CNTN3: variants seen among roughly 807,000 people sequenced by gnomAD.
CNTN3 encodes contactin-3.
Under a neutral mutation model 119.1 loss-of-function variants are expected in CNTN3, and 60 were observed. That is an observed-to-expected ratio of 0.50 (90% CI 0.41 to 0.62). The LOEUF (loss-of-function observed/expected upper bound fraction) is 0.62, where lower values mean the gene tolerates loss of function less well. CNTN3 is among the 20% of genes least tolerant of loss of function. The pLI is 0.00. For missense variants in CNTN3, 1,101 were observed against 1,242.4 expected (o/e 0.89, Z 1.71); for synonymous variants, 450 against 438.7 (o/e 1.03, Z -0.32).
At chr3:74,398,532 C>T (rs1304971253) in intron 5 of CNTN3, among the ~76,000 whole-genome samples, 1 of 152,154 alleles carries the variant, frequency 6.6e-6, no homozygotes, top group African/African-American at 2.4e-5. Flanking sequence ...ATGTGACTTG[C>T]TTTGTTGCCA....
chr3:74,489,300 C>A (rs1702917988), intron 3 of CNTN3, among the ~76,000 whole-genome samples: 1 of 152,028 alleles, frequency 6.6e-6, no homozygotes, highest in South Asian at 2.1e-4. Flanking sequence ...CAACAAGTAA[C>A]CATGGACTGC....
intron 4 of CNTN3, among the ~76,000 whole-genome samples, chr3:74,457,641 C>G (rs557281573): frequency 1.3e-5 from 2 of 151,884 alleles, no homozygotes; most frequent in Non-Finnish European, 2.9e-5. Flanking sequence ...TGATTCATCA[C>G]GTGTGCCACA....
intron 1 of CNTN3, among the ~76,000 whole-genome samples, chr3:74,541,654 C>T (rs1703844650): frequency 1.3e-5 from 2 of 152,170 alleles, no homozygotes; most frequent in African/African-American, 2.4e-5. Context: ...TAGGGAGGAA[C>T]ATAAATTAGG....
intron 20 of CNTN3, among the ~76,000 whole-genome samples, chr3:74,276,331 A>C (rs1701879205): frequency 6.6e-6 from 1 of 152,130 alleles, no homozygotes; most frequent in South Asian, 2.1e-4. Context: ...CAACCACAGA[A>C]TACACATTCT....
chr3:74,295,093 T>C (rs764289373), intron 19 of CNTN3, 28 bp downstream of exon 19: 11 of 1,418,766 alleles, frequency 7.8e-6, no homozygotes, highest in South Asian at 3.5e-5. Flanking sequence ...GTAACACACA[T>C]ACACAATTTA....
At chr3:74,452,120 CATG>C (rs200068774) in intron 4 of CNTN3, among the ~76,000 whole-genome samples, 13,659 of 141,536 alleles carry the variant, frequency 0.097, 980 homozygotes, top group East Asian at 0.41. Context: ...TGGCCATTTT[CATG>C]ATATTGATTC....
chr3:74,604,084 A>G (rs1704955668), intron 1 of CNTN3, among the ~76,000 whole-genome samples: 1 of 152,228 alleles, frequency 6.6e-6, no homozygotes, highest in Non-Finnish European at 1.5e-5. Flanking sequence ...TCTCTTCAAT[A>G]CATGGTGTTG....
chr3:74,493,922 C>G (rs1703012447), intron 3 of CNTN3, among the ~76,000 whole-genome samples: 1 of 152,054 alleles, frequency 6.6e-6, no homozygotes, highest in Non-Finnish European at 1.5e-5. Context: ...CCATTTCTCA[C>G]TCATCGATAA....
chr3:74,297,242 G>C (rs1441404161), intron 18 of CNTN3, among the ~76,000 whole-genome samples: 1 of 152,148 alleles, frequency 6.6e-6, no homozygotes, highest in Non-Finnish European at 1.5e-5. Context: ...CCAAGGTAAG[G>C]CTGTGATTTT....
intron 1 of CNTN3, among the ~76,000 whole-genome samples, chr3:74,582,538 TCAA>T (rs1704529453): frequency 6.6e-6 from 1 of 152,058 alleles, no homozygotes; most frequent in East Asian, 1.9e-4. Context: ...AGGCAATACT[TCAA>T]CAAACACTTC....
chr3:74,591,973 C>A (rs754089879), intron 1 of CNTN3, among the ~76,000 whole-genome samples: 1 of 151,852 alleles, frequency 6.6e-6, no homozygotes, highest in Non-Finnish European at 1.5e-5. Flanking sequence ...TCAGTCCAGG[C>A]TGAGGCTCAG....
At chr3:74,337,408 G>A (rs764746056) in intron 11 of CNTN3, among the ~76,000 whole-genome samples, 2 of 152,074 alleles carry the variant, frequency 1.3e-5, no homozygotes, top group African/African-American at 4.8e-5. Flanking sequence ...CATAGACAAC[G>A]TAGTACTCTG....
At chr3:74,349,163 T>C (rs1703760012) in intron 11 of CNTN3, among the ~76,000 whole-genome samples, 1 of 151,958 alleles carries the variant, frequency 6.6e-6, no homozygotes, top group Non-Finnish European at 1.5e-5. Context: ...TAAATAAATA[T>C]TTGAAGAATA....
At chr3:74,444,302 T>C (rs1332850886) in intron 4 of CNTN3, among the ~76,000 whole-genome samples, 1 of 151,980 alleles carries the variant, frequency 6.6e-6, no homozygotes, top group Non-Finnish European at 1.5e-5. Context: ...GGGGGCACAA[T>C]TCAACTCATA....
At chr3:74,454,579 G>T (rs961306601) in intron 4 of CNTN3, among the ~76,000 whole-genome samples, 1 of 151,590 alleles carries the variant, frequency 6.6e-6, no homozygotes, top group African/African-American at 2.4e-5. Flanking sequence ...TATTTTGCTC[G>T]TTAGTTGATG....
intron 4 of CNTN3, among the ~76,000 whole-genome samples, chr3:74,464,509 C>T (rs190729607): frequency 1.4e-3 from 215 of 152,238 alleles, no homozygotes; most frequent in Non-Finnish European, 2.2e-3. Flanking sequence ...GAAGGATATG[C>T]TTACAGCTTA....
chr3:74,277,547 G>C (rs531428055), intron 20 of CNTN3, among the ~76,000 whole-genome samples: 1 of 152,156 alleles, frequency 6.6e-6, no homozygotes, highest in African/African-American at 2.4e-5. Context: ...TACAGAAAAA[G>C]CATTCAACAA....
chr3:74,523,774 A>G (rs1331054955), intron 1 of CNTN3, among the ~76,000 whole-genome samples: 1 of 151,902 alleles, frequency 6.6e-6, no homozygotes, highest in African/African-American at 2.4e-5. Flanking sequence ...AAAAAAATAC[A>G]TGGTCTGCAT....
At chr3:74,364,920 T>C (rs1049618973) in intron 9 of CNTN3, among the ~76,000 whole-genome samples, 1 of 152,168 alleles carries the variant, frequency 6.6e-6, no homozygotes, top group African/African-American at 2.4e-5. Flanking sequence ...CTTTAAAACA[T>C]GTTTTATGAG....
Sources: allele counts gnomAD v4.1 joint callset (sites outside exome capture counted in the v4.1 genomes callset), GRCh38; gene constraint gnomAD v4.1.1; transcripts MANE v1.5; gene names NCBI Gene and HGNC (gene_info 2026-07-23, HGNC 2026-07-21).